The following KCNN2 variants were observed in gnomAD, a reference collection of about 807,000 sequenced individuals.
The protein encoded by KCNN2 is small conductance calcium-activated potassium channel protein 2.
KCNN2 carries 24 observed loss-of-function variants against 55.5 expected under a neutral mutation model. The ratio of observed to expected loss-of-function variants is 0.43; its 90% CI spans 0.31 to 0.61. KCNN2 has a LOEUF of 0.61. Among genes scored for constraint, KCNN2 ranks in the 20% least tolerant of loss-of-function variants. The pLI is 0.08. For synonymous variants in KCNN2, 431 were observed against 336.1 expected, an observed-to-expected ratio of 1.28 and a Z score of -3.09; for missense variants, 754 against 853.6, an observed-to-expected ratio of 0.88 and a Z score of 1.45.
chr5:114,121,886 A>G (rs1050960076), intron 1 of KCNN2, among the ~76,000 whole-genome samples: 2 of 152,236 alleles, frequency 1.3e-5, no homozygotes, highest in African/African-American at 4.8e-5. Flanking sequence ...ACTGAAAAAG[A>G]TCACACTTTA....
chr5:114,232,076 A>G (rs1288474081), intron 2 of KCNN2, among the ~76,000 whole-genome samples: 1 of 151,074 alleles, frequency 6.6e-6, no homozygotes, highest in Non-Finnish European at 1.5e-5. Context: ...TAATATTGCA[A>G]AAATTATGGG....
intron 1 of KCNN2, among the ~76,000 whole-genome samples, chr5:114,185,811 T>C (rs1394860119): frequency 6.6e-6 from 1 of 152,208 alleles, no homozygotes; most frequent in Non-Finnish European, 1.5e-5. Flanking sequence ...AGGAGCCTTG[T>C]CATTAGGACA....
At chr5:114,350,104 A>T (rs1757181032) in intron 2 of KCNN2, among the ~76,000 whole-genome samples, 1 of 151,888 alleles carries the variant, frequency 6.6e-6, no homozygotes, top group African/African-American at 2.4e-5. Context: ...ATTCTTTTAA[A>T]TTTTTTTAAA....
At chr5:114,181,842 C>T (rs898322156) in intron 1 of KCNN2, among the ~76,000 whole-genome samples, 3 of 151,902 alleles carry the variant, frequency 2.0e-5, no homozygotes, top group South Asian at 2.1e-4. Context: ...GGTGAAACCC[C>T]GTCTCTACTA....
intron 1 of KCNN2, among the ~76,000 whole-genome samples, chr5:114,182,524 A>G (rs1365987336): frequency 1.3e-5 from 2 of 152,066 alleles, no homozygotes; most frequent in African/African-American, 4.8e-5. Context: ...TTTTTCATGT[A>G]TTTATGGTTA....
intron 2 of KCNN2, among the ~76,000 whole-genome samples, chr5:114,294,946 T>C (rs1237470483): frequency 6.6e-6 from 1 of 152,200 alleles, no homozygotes; most frequent in Non-Finnish European, 1.5e-5. Context: ...TTTGTCTCTT[T>C]TGATCTTTGT....
At chr5:114,150,050 A>G (rs1329017562) in intron 1 of KCNN2, among the ~76,000 whole-genome samples, 1 of 152,108 alleles carries the variant, frequency 6.6e-6, no homozygotes, top group Non-Finnish European at 1.5e-5. Context: ...AACCTCCCTG[A>G]CTGCATGTCC....
chr5:114,484,978 G>T (rs996884476), intron 5 of KCNN2, among the ~76,000 whole-genome samples: 29 of 152,282 alleles, frequency 1.9e-4, no homozygotes, highest in African/African-American at 7.0e-4. Flanking sequence ...TGAACTCTGA[G>T]ATTAAGATTC....
At chr5:114,209,107 A>G (rs1319438326) in intron 1 of KCNN2, among the ~76,000 whole-genome samples, 1 of 149,786 alleles carries the variant, frequency 6.7e-6, no homozygotes, top group Non-Finnish European at 1.5e-5. Context: ...CCCAGGCTGG[A>G]GTGCAGTGGC....
intron 1 of KCNN2, among the ~76,000 whole-genome samples, chr5:114,209,645 C>T (rs1753839336): frequency 6.6e-6 from 1 of 152,074 alleles, no homozygotes; most frequent in Non-Finnish European, 1.5e-5. Flanking sequence ...AAAGTCTTGA[C>T]ATCATAATTG....
intron 1 of KCNN2, among the ~76,000 whole-genome samples, chr5:114,063,663 C>T (rs1245290904): frequency 6.6e-6 from 1 of 152,198 alleles, no homozygotes; most frequent in African/African-American, 2.4e-5. Flanking sequence ...CAGAACATGA[C>T]TAGTCCACCA....
intron 2 of KCNN2, among the ~76,000 whole-genome samples, chr5:114,376,893 C>T (rs1757963618): frequency 6.6e-6 from 1 of 151,988 alleles, no homozygotes; most frequent in Non-Finnish European, 1.5e-5. Flanking sequence ...TGGAGACCAG[C>T]CTGGGCAACA....
At chr5:114,225,269 C>T (rs963898769) in intron 2 of KCNN2, among the ~76,000 whole-genome samples, 1 of 152,012 alleles carries the variant, frequency 6.6e-6, no homozygotes, top group Admixed American at 6.6e-5. Context: ...CAAAAATAGA[C>T]ACAACTGATG....
At chr5:114,346,118 A>C (rs116452228) in intron 2 of KCNN2, among the ~76,000 whole-genome samples, 4,597 of 152,298 alleles carry the variant, frequency 0.03, 232 homozygotes, top group African/African-American at 0.1. Context: ...AGGCAAAGAC[A>C]AGAGCAGGCA....
intron 2 of KCNN2, among the ~76,000 whole-genome samples, chr5:114,385,519 GCACACACACACA>G (rs10548694): frequency 3.5e-5 from 5 of 143,452 alleles, no homozygotes; most frequent in African/African-American, 7.9e-5. Context: ...ACACATGCGC[GCACACACACACA>G]CACACACACA....
In KCNN2 at chr5:114,404,444, A is replaced by T; in HGVS notation, c.1225A>T (p.Met409Leu). 1.9e-6 allele frequency: 3 copies of T among 1,611,048 alleles called. No individual in the cohort carries two copies. The highest frequency in any genetic ancestry group is 1.1e-5 in the South Asian group (1 of 91,032). ...VYHAREIQLF[M>L]VDNGADDWRI... ...TTCTACTTTATTTTTTCAGTTGTTC[A>T]TGGTGGACAATGGAGCAGATGACTG... Residue 409 changes from methionine (M) to leucine (L), a missense_variant, in exon 3 of 8, where the codon ATG becomes TTG. By Grantham distance (15) the Met-to-Leu change is conservative. Around this residue, in one of 4 missense-constraint regions of KCNN2, gnomAD observed 123 missense variants for 204.9 expected, o/e 0.60. Coordinates refer to ENST00000673685, the MANE Select transcript of KCNN2 (RefSeq NM_021614.4).
intron 3 of KCNN2, among the ~76,000 whole-genome samples, chr5:114,430,300 T>C (rs1759751715): frequency 6.6e-6 from 1 of 152,110 alleles, no homozygotes; most frequent in African/African-American, 2.4e-5. Flanking sequence ...CTTTCCTCAG[T>C]GTTTTGTAGT....
chr5:114,333,521 A>G (rs1394872858), intron 2 of KCNN2, among the ~76,000 whole-genome samples: 1 of 151,808 alleles, frequency 6.6e-6, no homozygotes, highest in East Asian at 1.9e-4. Context: ...GGCTTCCAAT[A>G]TTTTCTATGT....
intron 1 of KCNN2, among the ~76,000 whole-genome samples, chr5:114,185,576 A>G (rs1053157800): frequency 1.3e-5 from 2 of 152,120 alleles, no homozygotes; most frequent in African/African-American, 2.4e-5. Context: ...TGTTTTCCCT[A>G]TCTTTTTCCT....
Sources: allele counts gnomAD v4.1 joint callset (sites outside exome capture counted in the v4.1 genomes callset), GRCh38; gene constraint gnomAD v4.1.1; regional missense constraint gnomAD v4.1.1; transcripts MANE v1.5; gene names NCBI Gene and HGNC (gene_info 2026-07-23, HGNC 2026-07-21).